The following METTL8 variants were observed in gnomAD, a reference collection of about 807,000 sequenced individuals.
METTL8 encodes methyltransferase 8, tRNA N3-cytidine.
METTL8 carries 32 observed loss-of-function variants against 48.7 expected under a neutral mutation model. The ratio of observed to expected loss-of-function variants is 0.66; its 90% CI spans 0.50 to 0.88. The LOEUF (loss-of-function observed/expected upper bound fraction) is 0.88, where lower values mean the gene tolerates loss of function less well. METTL8 is among the 40% of genes least tolerant of loss of function. The probability of loss-of-function intolerance (pLI) is 0.00; values close to 1 mark genes in which losing one functional copy is unlikely to be tolerated. For missense variants in METTL8, 464 were observed against 474.4 expected (o/e 0.98, Z 0.20); for synonymous variants, 136 against 157.1 (o/e 0.87, Z 1.01).
intron 1 of METTL8, among the ~76,000 whole-genome samples, chr2:171,396,045 G>A (rs1319027229): frequency 6.6e-6 from 1 of 152,130 alleles, no homozygotes; most frequent in Non-Finnish European, 1.5e-5. Context: ...TCCGAGGCGG[G>A]CAGATCACCT....
At chr2:171,372,363 A>G (rs566353610) in intron 2 of METTL8, among the ~76,000 whole-genome samples, 1 of 152,148 alleles carries the variant, frequency 6.6e-6, no homozygotes, top group Admixed American at 6.5e-5. Context: ...TCTCATCCCC[A>G]TTCCCATCTC....
intron 2 of METTL8, among the ~76,000 whole-genome samples, chr2:171,376,125 C>A (rs1363547192): frequency 6.6e-6 from 1 of 152,190 alleles, no homozygotes; most frequent in Non-Finnish European, 1.5e-5. Flanking sequence ...CATTTGACTG[C>A]AACATTGTTG....
chr2:171,405,124 T>C (rs150541691), intron 1 of METTL8, among the ~76,000 whole-genome samples: 38 of 152,196 alleles, frequency 2.5e-4, no homozygotes, highest in African/African-American at 8.9e-4. Flanking sequence ...GAAGGGAAGA[T>C]AATGAGTTCA....
At position 171,352,549 on chromosome 2, in the gene METTL8, G is replaced by A. The variant is rs1484951685; in HGVS notation, c.235+7873C>T. On this transcript the variant is annotated intron_variant, in intron 3 of 9. Coordinates refer to ENST00000375258, the MANE Select transcript of METTL8 (RefSeq NM_001321154.2). ...AATAGTTTCAGAAGGAATGGTACCA[G>A]CTCCTCCTTGTACCTCTGGTAGAAT... 5.3e-5 allele frequency among the ~76,000 whole-genome samples: 8 copies of A among 152,160 alleles called. No individual in the cohort carries two copies. In the East Asian group the frequency reaches 1.5e-3, roughly 29 times the overall value.
chr2:171,362,052 TA>T (rs1685218984), intron 2 of METTL8, among the ~76,000 whole-genome samples: 5 of 152,252 alleles, frequency 3.3e-5, no homozygotes, highest in East Asian at 3.9e-4. Flanking sequence ...AGGGAACAGT[TA>T]AAAAACTCCA....
intron 2 of METTL8, among the ~76,000 whole-genome samples, chr2:171,383,710 T>G (rs1321270309): frequency 6.6e-6 from 1 of 152,252 alleles, no homozygotes; most frequent in African/African-American, 2.4e-5. Flanking sequence ...TTTTTCCAAG[T>G]AACTGTGTAA....
At chr2:171,402,768 T>C (rs959611880) in intron 1 of METTL8, among the ~76,000 whole-genome samples, 1 of 151,936 alleles carries the variant, frequency 6.6e-6, no homozygotes, top group Non-Finnish European at 1.5e-5. Context: ...ATTCTAGGAT[T>C]GAGGCAGAGA....
At chr2:171,428,402 T>C (rs747255975) in intron 1 of METTL8, among the ~76,000 whole-genome samples, 2 of 152,108 alleles carry the variant, frequency 1.3e-5, no homozygotes, top group Non-Finnish European at 2.9e-5. Context: ...CCACTATACA[T>C]GCCAGCTACT....
chr2:171,426,562 ATTC>A (rs1446606411), intron 1 of METTL8, among the ~76,000 whole-genome samples: 3 of 152,210 alleles, frequency 2.0e-5, no homozygotes, highest in Non-Finnish European at 2.9e-5. Context: ...AAGGATTGAT[ATTC>A]TTTTGAATAA....
chr2:171,349,871 T>A (rs1296450011), intron 3 of METTL8, among the ~76,000 whole-genome samples: 1 of 152,180 alleles, frequency 6.6e-6, no homozygotes, highest in Non-Finnish European at 1.5e-5. Flanking sequence ...TATTGATATA[T>A]AATAGATATA....
rs1308146058 is a variant in METTL8 at position 171,326,087 on chromosome 2, G to C, written c.922C>G (p.Arg308Gly). 1.9e-6 allele frequency: 3 copies of C among 1,550,240 alleles called. No individual in the cohort carries two copies. Among genetic ancestry groups the C allele is most frequent in the Non-Finnish European group, 2.6e-6 (3 of 1,145,954 alleles). Residue 308 changes from arginine (R) to glycine (G), a missense_variant, in exon 8 of 10, where the codon CGA (arginine) becomes GGA (glycine). Arg to Gly is a moderately radical substitution (Grantham distance 125). Transcript: ENST00000375258. ...GTCTTATCATATCTTCCATAGTCTC[G>C]AAATAACAGCATTCCCCCAGGTTTC... ...LLKPGGMLLF[R>G]DYGRYDKTQL...
chr2:171,404,002 G>C (rs1689897668), intron 1 of METTL8, among the ~76,000 whole-genome samples: 1 of 131,920 alleles, frequency 7.6e-6, no homozygotes, highest in Non-Finnish European at 1.6e-5. Flanking sequence ...ATCCCTAGTG[G>C]ATGCCTGAAA....
At chr2:171,432,370 G>C (rs985919355) in intron 1 of METTL8, among the ~76,000 whole-genome samples, 1 of 152,200 alleles carries the variant, frequency 6.6e-6, no homozygotes, top group Non-Finnish European at 1.5e-5. Flanking sequence ...TGTGGGTGAG[G>C]AACAGCAAGG....
chr2:171,408,299 T>G (rs547416978), intron 1 of METTL8, among the ~76,000 whole-genome samples: 5 of 150,942 alleles, frequency 3.3e-5, no homozygotes, highest in African/African-American at 1.2e-4. Flanking sequence ...TTTTTTTGTT[T>G]TTTTTTTTTT....
chr2:171,349,173 T>TA (rs1400308127), intron 3 of METTL8, among the ~76,000 whole-genome samples: 1 of 152,166 alleles, frequency 6.6e-6, no homozygotes, highest in Non-Finnish European at 1.5e-5. Flanking sequence ...AACATGAGGT[T>TA]AAAAAAGTAG....
intron 6 of METTL8, 106 bp downstream of exon 6, chr2:171,331,698 T>G: frequency 2.7e-5 from 24 of 875,622 alleles, no homozygotes; most frequent in Non-Finnish European, 3.9e-5. Context: ...ATTACAGGTG[T>G]GAGCCACCAC....
rs547703066 is a variant in METTL8 at position 171,407,112 on chromosome 2, G to A, written c.-12-14915C>T. ...AATATAACTAGTAACCACAGAGTAAGCCCATGCTGACTGGGAAAAAAATAA... is the reference window on the plus strand; with the variant it reads ...AATATAACTAGTAACCACAGAGTAAACCCATGCTGACTGGGAAAAAAATAA... On this transcript the variant is annotated intron_variant, in intron 1 of 9. Coordinates refer to ENST00000375258, the MANE Select transcript of METTL8 (RefSeq NM_001321154.2). 2.6e-5 allele frequency among the ~76,000 whole-genome samples: 4 copies of A among 152,240 alleles called. No homozygotes were observed. In the East Asian group the frequency reaches 7.7e-4, roughly 29 times the overall value.
rs1346870056 is a variant in METTL8 at position 171,322,774 on chromosome 2, AAAG to A, written c.*1395_*1397del. 1 of 151,832 alleles carries A rather than the reference AAAG, an allele frequency of 6.6e-6. No individual in the cohort carries two copies. The highest frequency in any genetic ancestry group is 1.5e-5 in the Non-Finnish European group (1 of 68,072). 9.4% of individuals were successfully genotyped at this position (151,832 alleles called of 1,614,324 possible). ...AAAAAAAAAAAAAAAAGTAAAACAT[AAAG>A]AATGGCTACTCCATAGGCAGAGCAG... On this transcript the variant is annotated 3_prime_UTR_variant, in exon 10 of 10. Transcript: ENST00000375258.
At chr2:171,386,371 C>A (rs995960371) in intron 2 of METTL8, among the ~76,000 whole-genome samples, 1 of 151,878 alleles carries the variant, frequency 6.6e-6, no homozygotes, top group African/African-American at 2.4e-5. Context: ...GAGCAGCTGT[C>A]CAAAAAAGTA....
Sources: allele counts gnomAD v4.1 joint callset (sites outside exome capture counted in the v4.1 genomes callset), GRCh38; gene constraint gnomAD v4.1.1; transcripts MANE v1.5; gene names NCBI Gene and HGNC (gene_info 2026-07-23, HGNC 2026-07-21).